The following CLMP variants were observed in gnomAD, a reference collection of about 807,000 sequenced individuals.
CLMP encodes CXADR-like membrane protein.
A neutral mutation model predicts 45.2 loss-of-function variants in CLMP; 27 were observed. That is an observed-to-expected ratio of 0.60 (90% confidence interval 0.44 to 0.82). CLMP has a LOEUF of 0.82. Ranked by LOEUF, CLMP falls within the 40% of genes least tolerant of loss-of-function variation. The pLI is 0.00. For synonymous variants in CLMP, 167 were observed against 171.4 expected (o/e 0.97, Z 0.20); for missense variants, 403 against 448.4 (o/e 0.90, Z 0.91).
intron 1 of CLMP, among the ~76,000 whole-genome samples, chr11:123,130,164 G>A (rs1423983612): frequency 1.3e-5 from 2 of 152,178 alleles, no homozygotes; most frequent in Non-Finnish European, 2.9e-5. Flanking sequence ...AAGAAAATTA[G>A]TGTTGGGGCT....
intron 1 of CLMP, among the ~76,000 whole-genome samples, chr11:123,108,160 A>G (rs958264579): frequency 6.6e-6 from 1 of 151,956 alleles, no homozygotes; most frequent in South Asian, 2.1e-4. Context: ...TTCCTCTGCC[A>G]TTTGCTTTCC....
At chr11:123,191,794 T>C (rs1386042941) in intron 1 of CLMP, among the ~76,000 whole-genome samples, 1 of 152,188 alleles carries the variant, frequency 6.6e-6, no homozygotes. Context: ...AACAAATAGT[T>C]CACAAGTGTT....
chr11:123,168,872 C>T (rs914475215), intron 1 of CLMP, among the ~76,000 whole-genome samples: 2 of 152,170 alleles, frequency 1.3e-5, no homozygotes, highest in South Asian at 2.1e-4. Flanking sequence ...TGCACCTGCC[C>T]TCCCTGGGTT....
Position 123,074,863 on chromosome 11 carries a change from A to G in CLMP, c.680-20T>C, listed in dbSNP as rs759458165. 7 of 1,610,420 alleles carry G rather than the reference A, an allele frequency of 4.3e-6. No homozygotes were observed. Among genetic ancestry groups the G allele is most frequent in the Non-Finnish European group, 5.9e-6 (7 of 1,178,436 alleles). On this transcript the variant is annotated intron_variant, in intron 5 of 6. Transcript: ENST00000448775. The stretch of plus-strand genomic sequence containing the variant: ...GTACATCTATTTTCTCAGAAGCAAA[A>G]GCACAAGTAAAACCAAACGTAAGCT...
At chr11:123,149,765 G>T (rs1006720313) in intron 1 of CLMP, among the ~76,000 whole-genome samples, 1 of 148,426 alleles carries the variant, frequency 6.7e-6, no homozygotes, top group African/African-American at 2.6e-5. Flanking sequence ...GTCCTCAAAA[G>T]GTTTTCTTTC....
intron 1 of CLMP, among the ~76,000 whole-genome samples, chr11:123,174,509 T>C (rs1018345967): frequency 6.6e-6 from 1 of 152,148 alleles, no homozygotes; most frequent in African/African-American, 2.4e-5. Context: ...GGCCTGACAT[T>C]GGGTCTCCTT....
intron 1 of CLMP, among the ~76,000 whole-genome samples, chr11:123,167,924 A>T (rs1337969071): frequency 6.6e-6 from 1 of 152,164 alleles, no homozygotes; most frequent in East Asian, 1.9e-4. Context: ...AAATGGAGAG[A>T]GTGCAGTCTC....
intron 1 of CLMP, among the ~76,000 whole-genome samples, chr11:123,101,643 A>C (rs1176678645): frequency 6.6e-6 from 1 of 152,212 alleles, no homozygotes; most frequent in Non-Finnish European, 1.5e-5. Context: ...TATCAGTGGG[A>C]AAATTATAAC....
chr11:123,114,472 C>CTTT (rs768261705), intron 1 of CLMP, among the ~76,000 whole-genome samples: 7 of 125,400 alleles, frequency 5.6e-5, no homozygotes, highest in African/African-American at 2.1e-4. Context: ...TCCTTCCTTC[C>CTTT]TTTTTTTTTT....
At chr11:123,074,954 G>T (rs1865719252) in intron 5 of CLMP, 111 bp from the exon 6 acceptor site, 57 of 1,162,736 alleles carry the variant, frequency 4.9e-5, no homozygotes, top group South Asian at 1.2e-4. Flanking sequence ...AGGTTTGTTT[G>T]TTTTGTTTTT....
chr11:123,156,094 G>A (rs115927585), intron 1 of CLMP, among the ~76,000 whole-genome samples: 1,617 of 152,182 alleles, frequency 0.011, 22 homozygotes, highest in African/African-American at 0.037. Flanking sequence ...AAATGGGTGG[G>A]GCCCTGATCC....
intron 2 of CLMP, among the ~76,000 whole-genome samples, chr11:123,085,796 G>A (rs1865859459): frequency 7.0e-6 from 1 of 142,730 alleles, no homozygotes; most frequent in South Asian, 2.2e-4. Context: ...TTTTTTTTGA[G>A]ATAGAGTCTC....
Position 123,077,355 on chromosome 11 carries a change from G to C in CLMP, c.680-2512C>G, listed in dbSNP as rs144815819. On this transcript the variant is annotated intron_variant, in intron 5 of 6. Transcript: ENST00000448775. Reference sequence around the variant, plus strand: ...CAATTATTTATTTATTTTTAAGACAGAGTTTTGCTCTTGTTGCCCAGGCTG... The same window carrying C: ...CAATTATTTATTTATTTTTAAGACACAGTTTTGCTCTTGTTGCCCAGGCTG... Among the ~76,000 whole-genome samples, 746 of 151,734 alleles carry C rather than the reference G, an allele frequency of 4.9e-3. 54 individuals carry two copies. In the South Asian group the frequency reaches 0.13, roughly 27 times the overall value.
chr11:123,166,080 C>A (rs1257485639), intron 1 of CLMP, among the ~76,000 whole-genome samples: 1 of 152,004 alleles, frequency 6.6e-6, no homozygotes, highest in Admixed American at 6.5e-5. Context: ...CATCAAAATG[C>A]CACCAAAAAT....
intron 1 of CLMP, among the ~76,000 whole-genome samples, chr11:123,141,503 T>C (rs1861158729): frequency 6.6e-6 from 1 of 152,098 alleles, no homozygotes; most frequent in Non-Finnish European, 1.5e-5. Flanking sequence ...TTGATAGCAA[T>C]GCAAAATAGA....
intron 1 of CLMP, among the ~76,000 whole-genome samples, chr11:123,118,945 CTTTCTTTCTT>C (rs1860757309): frequency 1.7e-4 from 3 of 17,754 alleles, no homozygotes; most frequent in Admixed American, 7.4e-4. Flanking sequence ...TTCTTTCTTT[CTTTCTTTCTT>C]TCTTTCTTTC....
In CLMP at chr11:123,194,951, G is replaced by A. The variant is rs201233291; in HGVS notation, c.-11C>T. ...AAGGAGGAGGGACATCCCGATCCCC[G>A]GACGCGGGCGCTTCCCCGCTCAGCT... On this transcript the variant is annotated 5_prime_UTR_variant, in exon 1 of 7. Coordinates refer to ENST00000448775, the MANE Select transcript of CLMP (RefSeq NM_024769.5). The A allele has an allele frequency of 1.9e-6, 3 of 1,611,780 alleles. No homozygotes were observed. Among genetic ancestry groups the A allele is most frequent in the Non-Finnish European group, 2.5e-6 (3 of 1,178,978 alleles).
intron 5 of CLMP, among the ~76,000 whole-genome samples, chr11:123,079,154 C>G (rs1271140144): frequency 1.3e-5 from 2 of 152,162 alleles, no homozygotes; most frequent in African/African-American, 4.8e-5. Context: ...GTACACTTAT[C>G]CTTCTTCTTT....
At chr11:123,191,480 T>C (rs1386922045) in intron 1 of CLMP, 1 of 152,210 alleles carries the variant, frequency 6.6e-6, no homozygotes, top group Non-Finnish European at 1.5e-5. Flanking sequence ...TCCTTCCCCG[T>C]GCTGGCAGAA....
Sources: allele counts gnomAD v4.1 joint callset (sites outside exome capture counted in the v4.1 genomes callset), GRCh38; gene constraint gnomAD v4.1.1; transcripts MANE v1.5; gene names NCBI Gene and HGNC (gene_info 2026-07-23, HGNC 2026-07-21).